Variants in ZKSCAN8 observed in about 807,000 individuals in gnomAD.
ZKSCAN8 encodes the protein zinc finger protein with KRAB and SCAN domains 8.
In ZKSCAN8, 27 loss-of-function variants were observed where a neutral mutation model predicts 57.2. The observed-to-expected ratio is 0.47, with a 90% CI of 0.35 to 0.65. ZKSCAN8 has a LOEUF of 0.65. Among genes scored for constraint, ZKSCAN8 ranks in the 30% least tolerant of loss-of-function variants. The pLI, the probability that ZKSCAN8 is intolerant of heterozygous loss-of-function variation, is 0.01. For missense variants in ZKSCAN8, 597 were observed against 696.3 expected (o/e 0.86, Z 1.60); for synonymous variants, 214 against 248.7 (o/e 0.86, Z 1.31).
chr6:28,148,956 T>C (rs975781308), intron 2 of ZKSCAN8, 132 bp downstream of exon 2: 92 of 1,087,958 alleles, frequency 8.5e-5, no homozygotes, highest in Non-Finnish European at 1.1e-4. Context: ...ATAGTTTTAG[T>C]GTAGTATGAC....
At chr6:28,151,717 C>T in intron 3 of ZKSCAN8, 128 bp from the exon 4 acceptor site, 1 of 730,536 alleles carries the variant, frequency 1.4e-6, no homozygotes, top group African/African-American at 1.7e-5. Context: ...GATATCAGCA[C>T]TTCATGTGCA....
chr6:28,157,838 T>C lies in ZKSCAN8; in HGVS notation c.*3821T>C, dbSNP rs1168212174. The C allele has an allele frequency of 2.6e-5, 4 of 152,128 alleles. No homozygotes were observed. 9.4% of individuals were successfully genotyped at this position (152,128 alleles called of 1,614,324 possible). ...GGGAAAGTAGAATTGTGGAGGGAAA[T>C]GAAATATCCATGTACCAGGCCAGGC... On this transcript the variant is annotated 3_prime_UTR_variant, in exon 6 of 6. Transcript: ENST00000330236.
Position 28,148,686 on chromosome 6 carries a change from G to A in ZKSCAN8, c.279G>A (p.Leu93=), listed in dbSNP as rs760097552. The A allele has an allele frequency of 1.2e-6, 2 of 1,614,050 alleles. No homozygotes were observed. The highest frequency in any genetic ancestry group is 2.7e-5 in the African/African-American group (2 of 74,916). Residue 93 remains leucine (L), a synonymous_variant, in exon 2 of 6, where the codon CTG becomes CTA. Transcript: ENST00000330236. ...DLNTKEQILE[L]LVLEQFLTIL... is the part of the protein sequence containing the mutation. ...ACACCAAGGAACAGATCCTGGAGCT[G>A]CTGGTGCTGGAGCAGTTCTTGACCA...
chr6:28,157,911 T>C lies in ZKSCAN8; in HGVS notation c.*3894T>C, dbSNP rs371058730. The C allele has an allele frequency of 1.5e-4, 23 of 152,332 alleles. No homozygotes were observed. In the South Asian group the frequency reaches 1.9e-3, roughly 12 times the overall value. The allele number at this position is 152,332 out of a possible 1,614,324, so 9.4% of individuals were successfully genotyped here. A position where few individuals can be genotyped will look rare whatever the true frequency, so the allele number is the denominator to read the frequency against. ...TAGTAAGTTCATCTACAGCATAAAA[T>C]GTGAAATGCTTTCATCCTCATTGCC... On this transcript the variant is annotated 3_prime_UTR_variant, in exon 6 of 6. Transcript: ENST00000330236.
At chr6:28,145,190 C>T (rs1765350846) in intron 1 of ZKSCAN8, among the ~76,000 whole-genome samples, 1 of 152,096 alleles carries the variant, frequency 6.6e-6, no homozygotes, top group Non-Finnish European at 1.5e-5. Context: ...CCTCTATGTA[C>T]AAGATAATAG....
In ZKSCAN8 at chr6:28,149,492, C is replaced by T. The variant is rs1478534895; in HGVS notation, c.427C>T (p.Arg143Cys). 9 of 1,613,746 alleles carry T rather than the reference C, an allele frequency of 5.6e-6. No individual in the cohort carries two copies. The highest frequency in any genetic ancestry group is 2.2e-5 in the South Asian group (2 of 91,014). The change falls in exon 3 of 6, where the codon CGC becomes TGC. Residue 143 changes from arginine to cysteine, a missense_variant. Arg to Cys is a radical substitution (Grantham distance 180, BLOSUM62 -3). Coordinates refer to ENST00000330236, the MANE Select transcript of ZKSCAN8 (RefSeq NM_006298.4). The stretch of plus-strand genomic sequence containing the variant: ...TGTCTGTTGTTTCCAGGTCTCAGCT[C>T]GCGTACATGGACATAGGGTACTCTG... ...IDILGRPVSA[R>C]VHGHRVLWEE...
Position 28,144,988 on chromosome 6 carries a change from C to T in ZKSCAN8, c.-93+2959C>T, listed in dbSNP as rs1382886569. On this transcript the variant is annotated intron_variant, in intron 1 of 5. Transcript: ENST00000330236. The surrounding 1 kb of genome is among the most constrained non-coding windows in gnomAD (Gnocchi z 4.5). ...AGGAGAATGGCGTGAACCCGGGAGG[C>T]GGAGGTTGCAGTGAGCCGAGTTCGC... Among the ~76,000 whole-genome samples the T allele has an allele frequency of 2.0e-5, 3 of 151,962 alleles. No homozygotes were observed. The highest frequency in any genetic ancestry group is 7.3e-5 in the African/African-American group (3 of 41,362).
intron 3 of ZKSCAN8, 43 bp downstream of exon 3, chr6:28,149,667 A>G: frequency 6.2e-7 from 1 of 1,607,054 alleles, no homozygotes; most frequent in Non-Finnish European, 8.5e-7. Context: ...GGGAAGTACA[A>G]ATAAAAGTCC....
Position 28,153,112 on chromosome 6 carries a change from G to A in ZKSCAN8, c.832G>A (p.Gly278Arg), listed in dbSNP as rs774367513. Reference protein sequence around the residue: ...ELASKQVISTGIQPHGETAAK... With the variant: ...ELASKQVISTRIQPHGETAAK... ...AGCTTCAAAACAGGTAATATCTACT[G>A]GAATCCAGCCACATGGAGAGACAGC... Residue 278 changes from glycine to arginine, a missense_variant, in exon 6 of 6, where the codon GGA (glycine) becomes AGA (arginine). Transcript: ENST00000330236. 12 of 1,614,176 alleles carry A rather than the reference G, an allele frequency of 7.4e-6. No individual in the cohort carries two copies. Among genetic ancestry groups the A allele is most frequent in the Admixed American group, 5.0e-5 (3 of 60,014 alleles).
At chr6:28,152,504 G>A in intron 5 of ZKSCAN8, 120 bp downstream of exon 5, 1 of 1,294,058 alleles carries the variant, frequency 7.7e-7, no homozygotes, top group Non-Finnish European at 1.0e-6. Context: ...ATCCAGCAGA[G>A]GGATATGATG....
At chr6:28,145,084 T>G (rs989036282) in intron 1 of ZKSCAN8, among the ~76,000 whole-genome samples, 1 of 151,990 alleles carries the variant, frequency 6.6e-6, no homozygotes, top group Non-Finnish European at 1.5e-5. Flanking sequence ...GTTGAATGGT[T>G]TTAGCTGGAC....
intron 5 of ZKSCAN8, among the ~76,000 whole-genome samples, 160 bp downstream of exon 5, chr6:28,152,544 T>C (rs574692642): frequency 6.6e-6 from 1 of 151,040 alleles, no homozygotes; most frequent in Non-Finnish European, 1.5e-5. Context: ...TACGTGAAAC[T>C]TTTGTTCTCC....
rs1431479939 is a variant in ZKSCAN8, at chr6:28,156,150, T to TATGTGTATGTACAC, written c.*2149_*2162dup. ...TGGGTGCATTGTCAGAGGGAAAATA[T>TATGTGTATGTACAC]ATGTGTATGTACACATGTGTATGTA... On this transcript the variant is annotated 3_prime_UTR_variant, in exon 6 of 6. Coordinates refer to ENST00000330236, the MANE Select transcript of ZKSCAN8 (RefSeq NM_006298.4). The TATGTGTATGTACAC allele has an allele frequency of 2.5e-6, 1 of 398,110 alleles. No homozygotes were observed. The highest frequency in any genetic ancestry group is 4.4e-6 in the Non-Finnish European group (1 of 225,880). 24.7% of individuals were successfully genotyped at this position (398,110 alleles called of 1,614,324 possible). A position where few individuals can be genotyped will look rare whatever the true frequency, so the allele number is the denominator to read the frequency against.
rs1150667 is a variant in ZKSCAN8 at position 28,156,285 on chromosome 6, G to A, written c.*2268G>A. 1,329 of 398,038 alleles carry A rather than the reference G, an allele frequency of 3.3e-3. 6 individuals are homozygous for A. The highest frequency in any genetic ancestry group is 0.013 in the African/African-American group (642 of 48,694). The allele number at this position is 398,038 out of a possible 1,614,324, so 24.7% of individuals were successfully genotyped here. A position where few individuals can be genotyped will look rare whatever the true frequency, so the allele number is the denominator to read the frequency against. On this transcript the variant is annotated 3_prime_UTR_variant, in exon 6 of 6. Coordinates refer to ENST00000330236, the MANE Select transcript of ZKSCAN8 (RefSeq NM_006298.4). ...TAACAAAATTGGGTGCATTCAGGGTGGTATGGCCATAGACCAGAGCAACAC... is the reference window on the plus strand; with the variant it reads ...TAACAAAATTGGGTGCATTCAGGGTAGTATGGCCATAGACCAGAGCAACAC...
Position 28,148,637 on chromosome 6 carries a change from A to G in ZKSCAN8, c.230A>G (p.His77Arg), listed in dbSNP as rs1380332919. ...EALIQLRALC[H>R]QWLRPDLNTK... ...CTGATCCAACTACGGGCCCTTTGCCATCAGTGGCTGAGGCCAGATTTGAAC... is the reference window on the plus strand; with the variant it reads ...CTGATCCAACTACGGGCCCTTTGCCGTCAGTGGCTGAGGCCAGATTTGAAC... Residue 77 changes from histidine to arginine, a missense_variant, in exon 2 of 6, where the codon CAT becomes CGT. Coordinates refer to ENST00000330236, the MANE Select transcript of ZKSCAN8 (RefSeq NM_006298.4). 5.6e-6 allele frequency: 9 copies of G among 1,614,098 alleles called. No individual in the cohort carries two copies. The highest frequency in any genetic ancestry group is 2.2e-5 in the South Asian group (2 of 91,062).
intron 2 of ZKSCAN8, among the ~76,000 whole-genome samples, chr6:28,149,052 T>A (rs1003573339): frequency 2.0e-5 from 3 of 152,222 alleles, no homozygotes; most frequent in African/African-American, 7.2e-5. Context: ...ATTGTTCTTG[T>A]TTGCCAGATG....
Position 28,141,884 on chromosome 6 carries a change from T to C in ZKSCAN8, c.-238T>C, listed in dbSNP as rs1401485111. The C allele has an allele frequency of 1.3e-5, 2 of 152,704 alleles. No homozygotes were observed. Among genetic ancestry groups the C allele is most frequent in the Admixed American group, 1.3e-4 (2 of 15,300 alleles). The allele number at this position is 152,704 out of a possible 1,614,324, so 9.5% of individuals were successfully genotyped here. A position where few individuals can be genotyped will look rare whatever the true frequency, so the allele number is the denominator to read the frequency against. ...GGGGCAAGATGCGTGCTGGCCGGTGTTGTGCCTCCGCAGATTTAGAAGTTA... is the reference window on the plus strand; with the variant it reads ...GGGGCAAGATGCGTGCTGGCCGGTGCTGTGCCTCCGCAGATTTAGAAGTTA... On this transcript the variant is annotated 5_prime_UTR_variant, in exon 1 of 6. Coordinates refer to ENST00000330236, the MANE Select transcript of ZKSCAN8 (RefSeq NM_006298.4).
rs1415961483 is a variant in ZKSCAN8, at chr6:28,154,372, GCTT to G, written c.*360_*362del. On this transcript the variant is annotated 3_prime_UTR_variant, in exon 6 of 6. Coordinates refer to ENST00000330236, the MANE Select transcript of ZKSCAN8 (RefSeq NM_006298.4). ...GAGGCTGGCTACTCCTAGTTCCTGT[GCTT>G]CTTCCCATCTCCTGTGATCCCCCTC... 1 of 182,684 alleles carries G rather than the reference GCTT, an allele frequency of 5.5e-6. No individual in the cohort carries two copies. The highest frequency in any genetic ancestry group is 2.4e-5 in the African/African-American group (1 of 42,406). 11.3% of individuals were successfully genotyped at this position (182,684 alleles called of 1,614,324 possible). A position where few individuals can be genotyped will look rare whatever the true frequency, so the allele number is the denominator to read the frequency against.
At position 28,148,604 on chromosome 6, in the gene ZKSCAN8, G is replaced by A. The variant is rs202039260; in HGVS notation, c.197G>A (p.Arg66Gln). The A allele has an allele frequency of 5.6e-6, 9 of 1,614,104 alleles. No homozygotes were observed. The highest frequency in any genetic ancestry group is 3.3e-5 in the Admixed American group (2 of 60,016). Residue 66 changes from arginine to glutamine, a missense_variant, in exon 2 of 6, where the codon CGA becomes CAA. Transcript: ENST00000330236. ...QLRYQETLGP[R>Q]EALIQLRALC... is the part of the protein sequence containing the mutation. ...CGCTACCAGGAGACACTAGGACCCC[G>A]AGAAGCTCTGATCCAACTACGGGCC... is the stretch of plus-strand genomic sequence containing the variant.
Sources: allele counts gnomAD v4.1 joint callset (sites outside exome capture counted in the v4.1 genomes callset), GRCh38; gene constraint gnomAD v4.1.1; non-coding constraint Gnocchi (gnomAD v3.1); transcripts MANE v1.5; gene names NCBI Gene and HGNC (gene_info 2026-07-23, HGNC 2026-07-21).